Variants in VTI1B observed in about 807,000 individuals in gnomAD.
VTI1B encodes the protein vesicle transport through interaction with t-SNAREs homolog 1B.
A neutral mutation model predicts 28.6 loss-of-function variants in VTI1B; 18 were observed. That is an observed-to-expected ratio of 0.63 (90% CI 0.43 to 0.93). The LOEUF is 0.93. VTI1B is among the 40% of genes least tolerant of loss of function. VTI1B has a pLI of 0.00. For missense variants in VTI1B, 283 were observed against 297.0 expected (o/e 0.95, Z 0.35); for synonymous variants, 100 against 107.9 (o/e 0.93, Z 0.46).
chr14:67,670,038 T>C (rs895207740), intron 1 of VTI1B, among the ~76,000 whole-genome samples: 3 of 152,170 alleles, frequency 2.0e-5, no homozygotes, highest in African/African-American at 7.2e-5. Flanking sequence ...AAGGCTGCAG[T>C]GAGCAGTGAT....
intron 4 of VTI1B, among the ~76,000 whole-genome samples, chr14:67,656,060 A>C (rs975323538): frequency 6.6e-5 from 10 of 152,178 alleles, no homozygotes; most frequent in Admixed American, 1.3e-4. Flanking sequence ...AGCCTGGCCA[A>C]CATGGCGAAA....
At position 67,666,179 on chromosome 14, in the gene VTI1B, G is replaced by A. The variant is rs140326005; in HGVS notation, c.116-3644C>T. ...TACACATATGTACATTCCCTTCCTA[G>A]CTCCTTCCTTTCCTAGACTTTTCTA... On this transcript the variant is annotated intron_variant, in intron 1 of 5. Coordinates refer to ENST00000554659, the MANE Select transcript of VTI1B (RefSeq NM_006370.3). Among the ~76,000 whole-genome samples the A allele has an allele frequency of 2.6e-5, 4 of 152,278 alleles. No individual in the cohort carries two copies. The East Asian group carries it at 7.7e-4, about 29-fold the overall frequency.
chr14:67,653,204 C>A (rs2037210259), intron 5 of VTI1B, among the ~76,000 whole-genome samples: 1 of 152,184 alleles, frequency 6.6e-6, no homozygotes, highest in Non-Finnish European at 1.5e-5. Flanking sequence ...TTTCACTGCT[C>A]CAAGTCAAAG....
chr14:67,649,138 C>T lies in VTI1B; in HGVS notation c.*2247G>A, dbSNP rs951555748. On this transcript the variant is annotated 3_prime_UTR_variant, in exon 6 of 6. Coordinates refer to ENST00000554659, the MANE Select transcript of VTI1B (RefSeq NM_006370.3). The stretch of plus-strand genomic sequence containing the variant: ...AATTCTCTGCTTTGCTTCCTAAAAA[C>T]ACCACTTAGAGCAGGGGTTAATAAC... 1 of 152,194 alleles carries T rather than the reference C, an allele frequency of 6.6e-6. No individual in the cohort carries two copies. Among genetic ancestry groups the T allele is most frequent in the African/African-American group, 2.4e-5 (1 of 41,448 alleles). The allele number at this position is 152,194 out of a possible 1,614,324, so 9.4% of individuals were successfully genotyped here. A position where few individuals can be genotyped will look rare whatever the true frequency, so the allele number is the denominator to read the frequency against.
At position 67,674,468 on chromosome 14, in the gene VTI1B, A is replaced by G. The variant is rs2037509155; in HGVS notation, c.22T>C (p.Ser8Pro). The change falls in exon 1 of 6, where the codon TCG (serine) becomes CCG (proline). Residue 8 changes from serine (S) to proline (P), a missense_variant. Transcript: ENST00000554659. MASSAAS[S>P]EHFEKLHEIF... is the part of the protein sequence containing the mutation. ...TCGTGCAGCTTCTCGAAATGCTCCG[A>G]GGAGGCGGCGGAGGAGGCCATGGCG... 1 of 1,607,580 alleles carries G rather than the reference A, an allele frequency of 6.2e-7. No individual in the cohort carries two copies. The highest frequency in any genetic ancestry group is 8.5e-7 in the Non-Finnish European group (1 of 1,178,148).
In VTI1B at chr14:67,674,485, G is replaced by T; in HGVS notation, c.5C>A (p.Ala2Asp). The T allele has an allele frequency of 6.2e-7, 1 of 1,603,090 alleles. No individual in the cohort carries two copies. The highest frequency in any genetic ancestry group is 1.7e-5 in the Admixed American group (1 of 58,924). ...ATGCTCCGAGGAGGCGGCGGAGGAGGCCATGGCGCAGGCCGCGCTGGAGCA... is the reference window on the plus strand; with the variant it reads ...ATGCTCCGAGGAGGCGGCGGAGGAGTCCATGGCGCAGGCCGCGCTGGAGCA... M[A>D]SSAASSEHFE... Residue 2 changes from alanine to aspartate, a missense_variant, in exon 1 of 6, where the codon GCC becomes GAC. Physicochemically the swap from Ala to Asp is moderately radical, Grantham distance 126. Coordinates refer to ENST00000554659, the MANE Select transcript of VTI1B (RefSeq NM_006370.3).
chr14:67,662,179 C>CAAA (rs112653537), intron 2 of VTI1B, among the ~76,000 whole-genome samples: 4 of 141,744 alleles, frequency 2.8e-5, no homozygotes, highest in East Asian at 2.1e-4. Flanking sequence ...ACAACAACAA[C>CAAA]AAAAAAAAAA....
rs750188101 is a variant in VTI1B, at chr14:67,663,193, T to A, written c.116-658A>T. 473 of 1,524,118 alleles carry A rather than the reference T, an allele frequency of 3.1e-4. 5 individuals carry two copies. Among genetic ancestry groups the A allele is most frequent in the Non-Finnish European group, 3.6e-4 (407 of 1,137,202 alleles). The allele number at this position is 1,524,118 out of a possible 1,614,324, so 94.4% of individuals were successfully genotyped here. A position where few individuals can be genotyped will look rare whatever the true frequency, so the allele number is the denominator to read the frequency against. On this transcript the variant is annotated intron_variant, in intron 1 of 5. Transcript: ENST00000554659. ...TACCTAAAAATTACTAATCTCCCCT[T>A]TGAACAAAAATAGAACAGGCTTCAG...
chr14:67,658,278 G>A (rs2037290708), intron 3 of VTI1B, among the ~76,000 whole-genome samples: 1 of 152,154 alleles, frequency 6.6e-6, no homozygotes, highest in Non-Finnish European at 1.5e-5. Flanking sequence ...TGAAGGTATG[G>A]ATACCTAAAT....
intron 3 of VTI1B, among the ~76,000 whole-genome samples, chr14:67,657,779 C>T (rs1302416999): frequency 4.1e-5 from 6 of 147,604 alleles, no homozygotes; most frequent in African/African-American, 7.6e-5. Context: ...GAGACAGTCT[C>T]GCTCTGTCGC....
chr14:67,652,134 T>G (rs1158277339), intron 5 of VTI1B, among the ~76,000 whole-genome samples: 3 of 152,244 alleles, frequency 2.0e-5, no homozygotes, highest in Non-Finnish European at 4.4e-5. Flanking sequence ...CAAGGTCACG[T>G]ACAATACCCT....
Position 67,650,204 on chromosome 14 carries a change from T to C in VTI1B, c.*1181A>G, listed in dbSNP as rs2037154394. 1 of 165,656 alleles carries C rather than the reference T, an allele frequency of 6.0e-6. No homozygotes were observed. Among genetic ancestry groups the C allele is most frequent in the Non-Finnish European group, 1.3e-5 (1 of 75,614 alleles). 10.3% of individuals were successfully genotyped at this position (165,656 alleles called of 1,614,324 possible). A position where few individuals can be genotyped will look rare whatever the true frequency, so the allele number is the denominator to read the frequency against. ...TGAGAATGAAGTTTGCAGTAATAAC[T>C]ACATTTCAGGGCATATGGTGTGGTG... On this transcript the variant is annotated 3_prime_UTR_variant, in exon 6 of 6. Transcript: ENST00000554659.
chr14:67,661,271 G>A (rs2037329773), intron 2 of VTI1B, among the ~76,000 whole-genome samples: 2 of 107,046 alleles, frequency 1.9e-5, no homozygotes, highest in South Asian at 3.5e-4. Flanking sequence ...CTTCTATAGG[G>A]CTAGAGCAAA....
At chr14:67,655,207 A>G (rs2037239533) in intron 4 of VTI1B, among the ~76,000 whole-genome samples, 1 of 151,954 alleles carries the variant, frequency 6.6e-6, no homozygotes, top group East Asian at 1.9e-4. Context: ...CAGGCACAGT[A>G]GCACATGCCT....
intron 4 of VTI1B, among the ~76,000 whole-genome samples, chr14:67,655,887 G>A (rs1427703333): frequency 6.6e-6 from 1 of 152,112 alleles, no homozygotes; most frequent in African/African-American, 2.4e-5. Context: ...AAAATTTCCA[G>A]TGATGTCTAA....
chr14:67,661,300 G>GTT lies in VTI1B; in HGVS notation c.174+1175_174+1176dup, dbSNP rs1185912937. 3.0e-3 allele frequency among the ~76,000 whole-genome samples: 259 copies of GTT among 86,764 alleles called. 1 individual carries two copies. The highest frequency in any genetic ancestry group is 0.028 in the Middle Eastern group (5 of 178). The allele number at this position is 86,764 out of a possible 152,430, so 56.9% of individuals were successfully genotyped here. ...GAGCAAAAAAAAAAAAAAAAAAAAA[G>GTT]TTTTTTTTTTTTAAAGAAAAGCCAC... On this transcript the variant is annotated intron_variant, in intron 2 of 5. Transcript: ENST00000554659.
At chr14:67,657,583 A>AGCAC (rs1322378866) in intron 3 of VTI1B, among the ~76,000 whole-genome samples, 1 of 146,462 alleles carries the variant, frequency 6.8e-6, no homozygotes, top group African/African-American at 2.6e-5. Flanking sequence ...AGCTGTTCAA[A>AGCAC]GCACGCGCGC....
chr14:67,666,221 T>C (rs1327993315), intron 1 of VTI1B, among the ~76,000 whole-genome samples: 1 of 152,196 alleles, frequency 6.6e-6, no homozygotes, highest in East Asian at 1.9e-4. Context: ...TGTTTAGTCA[T>C]AAATTCTCCT....
chr14:67,674,620 C>A lies in VTI1B; in HGVS notation c.-131G>T. ...CACCACCGCCGCCCAGGACGAGGCTCTTCCGGAGCCGCGGCAGGGTCCTCT... is the reference window on the plus strand; with the variant it reads ...CACCACCGCCGCCCAGGACGAGGCTATTCCGGAGCCGCGGCAGGGTCCTCT... On this transcript the variant is annotated 5_prime_UTR_variant, in exon 1 of 6. Coordinates refer to ENST00000554659, the MANE Select transcript of VTI1B (RefSeq NM_006370.3). 6.2e-6 allele frequency: 4 copies of A among 647,138 alleles called. No homozygotes were observed. Among genetic ancestry groups the A allele is most frequent in the Non-Finnish European group, 9.5e-6 (4 of 419,864 alleles). 40.1% of individuals were successfully genotyped at this position (647,138 alleles called of 1,614,324 possible).
Sources: gnomAD v4.1 joint callset for allele counts (sites outside exome capture counted in the v4.1 genomes callset) on GRCh38, gnomAD v4.1.1 for gene constraint, MANE v1.5 for transcripts, NCBI Gene and HGNC (gene_info 2026-07-23, HGNC 2026-07-21) for gene names.